The following SLC24A3 variants were observed in gnomAD, a reference collection of about 807,000 sequenced individuals.
SLC24A3 encodes the protein solute carrier family 24 member 3.
Under a neutral mutation model 75.8 loss-of-function variants are expected in SLC24A3, and 28 were observed. That is an observed-to-expected ratio of 0.37 (90% CI 0.27 to 0.51). The LOEUF (loss-of-function observed/expected upper bound fraction) is 0.51. Among genes scored for constraint, SLC24A3 ranks in the 20% least tolerant of loss-of-function variants. SLC24A3 has a pLI of 0.94. For synonymous variants in SLC24A3, 372 were observed against 334.1 expected (o/e 1.11, Z -1.24); for missense variants, 663 against 847.8 (o/e 0.78, Z 2.71).
chr20:19,701,323 T>C (rs1016580883), intron 15 of SLC24A3, among the ~76,000 whole-genome samples: 12 of 150,898 alleles, frequency 8.0e-5, no homozygotes, highest in African/African-American at 2.9e-4. Context: ...ATGAATAACC[T>C]CGTAATTTGG....
intron 6 of SLC24A3, among the ~76,000 whole-genome samples, chr20:19,589,867 A>C (rs6081671): frequency 1.3e-5 from 2 of 151,860 alleles, no homozygotes; most frequent in African/African-American, 2.4e-5. Context: ...GATGGCAAAG[A>C]GTCTATTGTC....
chr20:19,380,322 G>T (rs764470287), intron 2 of SLC24A3, among the ~76,000 whole-genome samples: 1 of 152,032 alleles, frequency 6.6e-6, no homozygotes, highest in African/African-American at 2.4e-5. Context: ...AGGAGAGTGC[G>T]GTGTGAGACA....
intron 8 of SLC24A3, 100 bp downstream of exon 8, chr20:19,665,989 C>A: frequency 7.5e-7 from 1 of 1,328,040 alleles, no homozygotes; most frequent in South Asian, 1.3e-5. Flanking sequence ...AGGGAAGTGT[C>A]ATGACAGCTT....
At chr20:19,545,330 T>A (rs2030570664) in intron 3 of SLC24A3, among the ~76,000 whole-genome samples, 1 of 152,164 alleles carries the variant, frequency 6.6e-6, no homozygotes, top group Non-Finnish European at 1.5e-5. Flanking sequence ...TCCATATGGA[T>A]CTCCCAATGC....
chr20:19,451,808 A>G (rs907703511), intron 2 of SLC24A3, among the ~76,000 whole-genome samples: 1 of 152,276 alleles, frequency 6.6e-6, no homozygotes. Context: ...CCACACAGTC[A>G]TGTCATGCGC....
At chr20:19,557,273 T>C (rs967177411) in intron 3 of SLC24A3, among the ~76,000 whole-genome samples, 2 of 152,196 alleles carry the variant, frequency 1.3e-5, no homozygotes, top group Non-Finnish European at 2.9e-5. Context: ...CCCCAGCATG[T>C]CTGTGCAGTG....
chr20:19,237,656 C>T (rs76493656), intron 1 of SLC24A3, among the ~76,000 whole-genome samples: 148 of 152,248 alleles, frequency 9.7e-4, no homozygotes, highest in African/African-American at 3.4e-3. Flanking sequence ...TCTCCTGCGT[C>T]GTCATTGAAT....
intron 2 of SLC24A3, among the ~76,000 whole-genome samples, chr20:19,296,472 C>T (rs569099408): frequency 9.2e-5 from 14 of 151,864 alleles, no homozygotes; most frequent in South Asian, 4.2e-4. Context: ...TCTAGCTTTT[C>T]GATATGGTCA....
At chr20:19,601,348 T>C (rs1299731772) in intron 6 of SLC24A3, among the ~76,000 whole-genome samples, 1 of 152,202 alleles carries the variant, frequency 6.6e-6, no homozygotes, top group African/African-American at 2.4e-5. Context: ...TCCTGTTTCT[T>C]TGGTGCCCCA....
At chr20:19,294,671 T>G (rs1225256906) in intron 2 of SLC24A3, among the ~76,000 whole-genome samples, 1 of 152,254 alleles carries the variant, frequency 6.6e-6, no homozygotes, top group Non-Finnish European at 1.5e-5. Flanking sequence ...CACATTTTCT[T>G]TATCTAGCCT....
At chr20:19,639,989 C>G (rs2032055847) in intron 6 of SLC24A3, among the ~76,000 whole-genome samples, 2 of 152,260 alleles carry the variant, frequency 1.3e-5, no homozygotes. Context: ...GCGCGGAGCG[C>G]AGCCCTGATT....
At position 19,696,777 on chromosome 20, in the gene SLC24A3, C is replaced by T. The variant is rs1236723029; in HGVS notation, c.1492-20C>T. ...GCTTGAGGTGACCCTCAGCTGACCA[C>T]CTCTTCCTGCTCCTTCTAGGTCACA... On this transcript the variant is annotated intron_variant, in intron 13 of 16. Coordinates refer to ENST00000328041, the MANE Select transcript of SLC24A3 (RefSeq NM_020689.4). 6.3e-7 allele frequency: 1 copy of T among 1,590,140 alleles called. No individual in the cohort carries two copies. The highest frequency in any genetic ancestry group is 1.7e-5 in the Admixed American group (1 of 59,928).
intron 2 of SLC24A3, among the ~76,000 whole-genome samples, chr20:19,426,834 G>C (rs148180182): frequency 0.011 from 1,652 of 152,262 alleles, 15 homozygotes; most frequent in Non-Finnish European, 0.016. Flanking sequence ...AGGAATACCT[G>C]AACCACAACA....
In SLC24A3 at chr20:19,667,480, T is replaced by C. The variant is rs557495835; in HGVS notation, c.713+1591T>C. 2.7e-3 allele frequency among the ~76,000 whole-genome samples: 411 copies of C among 152,330 alleles called. No homozygotes were observed. In the Middle Eastern group the frequency reaches 0.034, roughly 13 times the overall value. On this transcript the variant is annotated intron_variant, in intron 8 of 16. Coordinates refer to ENST00000328041, the MANE Select transcript of SLC24A3 (RefSeq NM_020689.4). ...ATGGCGTAGTTAGCACAACCACTGC[T>C]CCGCCTTAGCAAACAGTAGGTGCTT...
At chr20:19,283,204 A>G (rs1439925798) in intron 2 of SLC24A3, 2 of 152,664 alleles carry the variant, frequency 1.3e-5, no homozygotes, top group African/African-American at 4.8e-5. Flanking sequence ...TCCACAAGGA[A>G]GATGATCATG....
chr20:19,612,607 A>AGTGTGTGTGT (rs71198018), intron 6 of SLC24A3, among the ~76,000 whole-genome samples: 8,000 of 146,852 alleles, frequency 0.054, 231 homozygotes, highest in Middle Eastern at 0.12. Context: ...CCTTAAGAAA[A>AGTGTGTGTGT]GTGTGTGTGT....
chr20:19,624,877 C>T (rs1000924865), intron 6 of SLC24A3, among the ~76,000 whole-genome samples: 2 of 152,138 alleles, frequency 1.3e-5, no homozygotes, highest in African/African-American at 4.8e-5. Context: ...CAAACTATTC[C>T]AAGATTTATT....
chr20:19,694,214 T>G (rs1050917906), intron 13 of SLC24A3: 2 of 152,198 alleles, frequency 1.3e-5, no homozygotes, highest in African/African-American at 4.8e-5. Flanking sequence ...CATTACCCAT[T>G]TATGGCTATA....
intron 3 of SLC24A3, among the ~76,000 whole-genome samples, chr20:19,535,232 A>G (rs975996428): frequency 6.6e-6 from 1 of 152,178 alleles, no homozygotes; most frequent in African/African-American, 2.4e-5. Context: ...GCTTAAACCA[A>G]TGGCTATTTT....
Sources: gnomAD v4.1 joint callset for allele counts (sites outside exome capture counted in the v4.1 genomes callset) on GRCh38, gnomAD v4.1.1 for gene constraint, MANE v1.5 for transcripts, NCBI Gene and HGNC (gene_info 2026-07-23, HGNC 2026-07-21) for gene names.